DAB1: variants seen among roughly 807,000 people sequenced by gnomAD.
The protein encoded by DAB1 is disabled homolog 1.
In DAB1, 15 loss-of-function variants were observed where a neutral mutation model predicts 64.6. The observed-to-expected ratio is 0.23, with a 90% CI of 0.16 to 0.36. The LOEUF is 0.36. Among genes scored for constraint, DAB1 ranks in the 10% least tolerant of loss-of-function variants. The probability of loss-of-function intolerance (pLI) is 1.00; values close to 1 mark genes in which losing one functional copy is unlikely to be tolerated. For missense variants in DAB1, 596 were observed against 706.7 expected (o/e 0.84, Z 1.78); for synonymous variants, 235 against 251.9 (o/e 0.93, Z 0.64).
intron 5 of DAB1, among the ~76,000 whole-genome samples, chr1:57,965,794 C>G (rs985637380): frequency 2.6e-5 from 4 of 152,048 alleles, no homozygotes; most frequent in African/African-American, 9.7e-5. Flanking sequence ...GGGAGGTAGA[C>G]AGGTAAATGG....
intron 2 of DAB1, among the ~76,000 whole-genome samples, chr1:57,159,995 A>C (rs1293032727): frequency 1.3e-5 from 2 of 152,122 alleles, no homozygotes; most frequent in Non-Finnish European, 2.9e-5. Context: ...ATCTGGGCAA[A>C]TCAAGGAGTG....
upstream of DAB1, among the ~76,000 whole-genome samples, chr1:57,424,811 G>C (rs1011585002): frequency 1.3e-5 from 2 of 152,120 alleles, no homozygotes; most frequent in Non-Finnish European, 2.9e-5. Flanking sequence ...CACGTGTCAA[G>C]TTTCCGTCAG....
chr1:57,771,372 A>G (rs1323955852), intron 6 of DAB1, among the ~76,000 whole-genome samples: 1 of 152,156 alleles, frequency 6.6e-6, no homozygotes, highest in Non-Finnish European at 1.5e-5. Context: ...ATAAATATAA[A>G]TATTAACACT....
intron 5 of DAB1, among the ~76,000 whole-genome samples, chr1:58,109,725 G>A (rs1407790955): frequency 6.6e-6 from 1 of 151,926 alleles, no homozygotes; most frequent in Non-Finnish European, 1.5e-5. Context: ...CACACGGCAA[G>A]AAGTGGGGTA....
At chr1:57,927,159 C>T (rs1311656854) in intron 5 of DAB1, among the ~76,000 whole-genome samples, 1 of 152,176 alleles carries the variant, frequency 6.6e-6, no homozygotes, top group African/African-American at 2.4e-5. Context: ...AAGCATTACA[C>T]CCATGACAGT....
chr1:57,660,627 G>A lies in DAB1; in HGVS notation n.552-10962C>T, dbSNP rs1292325188. ...ACACTGAAACACTCACTCTGCTGAG[G>A]CTGGGAGGGCTGCCCTCTGACAGCT... On this transcript the variant is annotated intron_variant and non_coding_transcript_variant, in intron 6 of 20. Coordinates refer to the DAB1 transcript ENST00000485760. 6.6e-5 allele frequency among the ~76,000 whole-genome samples: 10 copies of A among 152,220 alleles called. 1 individual carries two copies. Among genetic ancestry groups the A allele is most frequent in the Admixed American group, 4.6e-4 (7 of 15,284 alleles).
At chr1:58,193,129 C>T (rs780388312) in intron 4 of DAB1, among the ~76,000 whole-genome samples, 3 of 152,082 alleles carry the variant, frequency 2.0e-5, no homozygotes, top group Admixed American at 1.3e-4. Flanking sequence ...GTATTTGGGT[C>T]GTGCGGGAAG....
At chr1:58,282,446 C>G (rs1412728056) in intron 4 of DAB1, among the ~76,000 whole-genome samples, 1 of 152,180 alleles carries the variant, frequency 6.6e-6, no homozygotes, top group Non-Finnish European at 1.5e-5. Context: ...CTCTCATTTT[C>G]ATAGTGGGAA....
chr1:57,844,465 G>T (rs1653189289), intron 1 of DAB1, among the ~76,000 whole-genome samples: 1 of 152,140 alleles, frequency 6.6e-6, no homozygotes, highest in Non-Finnish European at 1.5e-5. Flanking sequence ...GCCTCAAGAA[G>T]AAATCATTAC....
intron 6 of DAB1, among the ~76,000 whole-genome samples, chr1:57,792,375 C>T (rs917056568): frequency 6.6e-5 from 10 of 152,230 alleles, no homozygotes; most frequent in South Asian, 2.1e-4. Flanking sequence ...TCTAGGCATA[C>T]GCCTCATTTT....
intron 5 of DAB1, among the ~76,000 whole-genome samples, chr1:58,015,785 A>T (rs945401103): frequency 3.9e-5 from 6 of 152,196 alleles, no homozygotes; most frequent in African/African-American, 7.2e-5. Flanking sequence ...TGAGAATCAC[A>T]GGTCTAAGCC....
chr1:57,929,358 G>T (rs948775234), intron 5 of DAB1, among the ~76,000 whole-genome samples: 1 of 152,076 alleles, frequency 6.6e-6, no homozygotes, highest in African/African-American at 2.4e-5. Context: ...TTCATAAATG[G>T]ATATTTATTT....
At chr1:57,109,242 C>T (rs1447646507) in intron 4 of DAB1, among the ~76,000 whole-genome samples, 3 of 152,214 alleles carry the variant, frequency 2.0e-5, no homozygotes, top group Non-Finnish European at 4.4e-5. Context: ...ACCTCTGAAC[C>T]CTGATCCTGA....
chr1:57,936,698 T>A (rs1010191517), intron 5 of DAB1, among the ~76,000 whole-genome samples: 1 of 152,130 alleles, frequency 6.6e-6, no homozygotes, highest in Non-Finnish European at 1.5e-5. Flanking sequence ...ATTTATTTAT[T>A]TTTTTTAGAT....
intron 1 of DAB1, among the ~76,000 whole-genome samples, chr1:57,309,191 G>T (rs934678510): frequency 4.6e-5 from 7 of 152,260 alleles, no homozygotes; most frequent in Non-Finnish European, 7.4e-5. Flanking sequence ...TGCAGATGAA[G>T]AATGATCTTA....
At chr1:57,864,467 C>T (rs1654203299) in intron 1 of DAB1, 1 of 151,926 alleles carries the variant, frequency 6.6e-6, no homozygotes, top group Admixed American at 6.6e-5. Flanking sequence ...AAAATCACAG[C>T]AAATAATTAG....
intron 7 of DAB1, among the ~76,000 whole-genome samples, chr1:57,491,786 G>T (rs1205331107): frequency 6.6e-6 from 1 of 152,192 alleles, no homozygotes; most frequent in Non-Finnish European, 1.5e-5. Context: ...CATCACATAA[G>T]CTGCATCCTG....
intron 1 of DAB1, among the ~76,000 whole-genome samples, chr1:57,313,851 T>C (rs1674950889): frequency 6.6e-6 from 1 of 152,158 alleles, no homozygotes; most frequent in South Asian, 2.1e-4. Context: ...AGGATTCATG[T>C]TCTTACAGGA....
chr1:57,913,701 A>G (rs1290253509), intron 5 of DAB1, among the ~76,000 whole-genome samples: 1 of 152,230 alleles, frequency 6.6e-6, no homozygotes, highest in East Asian at 1.9e-4. Flanking sequence ...CTCATCTGAC[A>G]AAGGGCTAAT....
Sources: allele counts gnomAD v4.1 joint callset (sites outside exome capture counted in the v4.1 genomes callset), GRCh38; gene constraint gnomAD v4.1.1; transcripts MANE v1.5; gene names NCBI Gene and HGNC (gene_info 2026-07-23, HGNC 2026-07-21).